The following COBL variants were observed in gnomAD, a reference collection of about 807,000 sequenced individuals.
The protein encoded by COBL is cordon-bleu WH2 repeat protein.
A neutral mutation model predicts 98.8 loss-of-function variants in COBL; 51 were observed. That is an observed-to-expected ratio of 0.52 (90% CI 0.41 to 0.65). COBL has a LOEUF of 0.65. Ranked by LOEUF, COBL falls within the 30% of genes least tolerant of loss-of-function variation. The pLI is 0.00. For synonymous variants in COBL, 634 were observed against 651.7 expected, an observed-to-expected ratio of 0.97 and a Z score of 0.41; for missense variants, 1,617 against 1,617.5, an observed-to-expected ratio of 1.00 and a Z score of 0.01.
intron 3 of COBL, among the ~76,000 whole-genome samples, chr7:51,192,461 C>G (rs528322110): frequency 1.1e-4 from 16 of 152,160 alleles, no homozygotes; most frequent in Non-Finnish European, 1.9e-4. Flanking sequence ...CACAAATTAG[C>G]CGGGTGTGGT....
chr7:51,247,996 G>A (rs1796400112), intron 1 of COBL, among the ~76,000 whole-genome samples: 1 of 151,944 alleles, frequency 6.6e-6, no homozygotes, highest in Admixed American at 6.6e-5. Context: ...AAAGTTAGCT[G>A]GGCATGGTGG....
chr7:51,172,602 A>T, intron 5 of COBL: 1 of 1,138,242 alleles, frequency 8.8e-7, no homozygotes, highest in Non-Finnish European at 1.1e-6. Context: ...CTTAGCGATC[A>T]TTAAGGCAAA....
intron 7 of COBL, among the ~76,000 whole-genome samples, chr7:51,057,361 GT>G (rs1790866103): frequency 1.3e-5 from 2 of 152,076 alleles, no homozygotes; most frequent in Non-Finnish European, 2.9e-5. Context: ...CATATATTCA[GT>G]GCTGAGGTTT....
intron 6 of COBL, among the ~76,000 whole-genome samples, chr7:51,112,993 G>A (rs746576424): frequency 2.6e-5 from 4 of 152,134 alleles, no homozygotes; most frequent in Admixed American, 2.0e-4. Context: ...CCCATAAGAC[G>A]TGGAAGCTGC....
At chr7:51,077,676 C>A (rs1211156470) in intron 7 of COBL, among the ~76,000 whole-genome samples, 4 of 152,192 alleles carry the variant, frequency 2.6e-5, no homozygotes. Context: ...ATGAACACAC[C>A]TCTTACTACA....
At chr7:51,105,938 C>T (rs2128968970) in intron 6 of COBL, among the ~76,000 whole-genome samples, 1 of 151,896 alleles carries the variant, frequency 6.6e-6, no homozygotes, top group South Asian at 2.1e-4. Flanking sequence ...GCAAGGTTTG[C>T]CAAATCACAC....
Position 51,083,013 on chromosome 7 carries a change from G to C in COBL, c.1096+2153C>G. On this transcript the variant is annotated intron_variant, in intron 7 of 12. Coordinates refer to ENST00000265136, the MANE Select transcript of COBL (RefSeq NM_015198.5). ...CAGCCCTGACATCGCAGTGCTCAGA[G>C]AGATGAACAGTTAACACAGTCGGAA... 5 of 1,521,052 alleles carry C rather than the reference G, an allele frequency of 3.3e-6. No individual in the cohort carries two copies. In the South Asian group the frequency reaches 4.8e-5, roughly 15 times the overall value. The allele number at this position is 1,521,052 out of a possible 1,614,324, so 94.2% of individuals were successfully genotyped here. A position where few individuals can be genotyped will look rare whatever the true frequency, so the allele number is the denominator to read the frequency against.
In COBL at chr7:51,111,691, C is replaced by T. The variant is rs1796843590; in HGVS notation, c.957+24467G>A. On this transcript the variant is annotated intron_variant, in intron 6 of 12. Coordinates refer to ENST00000265136, the MANE Select transcript of COBL (RefSeq NM_015198.5). ...TCCCCCGTGCCTGGGCCCCTGCATGCTCCTTGACTTCATGGTAACATCTGT... is the reference window on the plus strand; with the variant it reads ...TCCCCCGTGCCTGGGCCCCTGCATGTTCCTTGACTTCATGGTAACATCTGT... Among the ~76,000 whole-genome samples, 7 of 152,190 alleles carry T rather than the reference C, an allele frequency of 4.6e-5. No individual in the cohort carries two copies. The South Asian group carries it at 1.5e-3, about 32-fold the overall frequency.
intron 12 of COBL, chr7:51,020,946 G>A (rs1786869509): frequency 6.6e-6 from 1 of 152,216 alleles, no homozygotes; most frequent in Non-Finnish European, 1.5e-5. Context: ...GCAGCTTACT[G>A]CCAATGTGAA....
At chr7:51,125,683 T>C (rs563705741) in intron 6 of COBL, among the ~76,000 whole-genome samples, 93 of 152,106 alleles carry the variant, frequency 6.1e-4, no homozygotes, top group Non-Finnish European at 1.1e-3. Context: ...TAAGATACTA[T>C]AGGAAAACAC....
chr7:51,098,224 C>CTTTTTTTTTTTTTTTTTTCTTTTT lies in COBL; in HGVS notation c.958-12921_958-12920insAAAAAGAAAAAAAAAAAAAAAAAA, dbSNP rs551768231. Among the ~76,000 whole-genome samples the CTTTTTTTTTTTTTTTTTTCTTTTT allele has an allele frequency of 5.1e-4, 51 of 100,840 alleles. 2 individuals carry two copies. The highest frequency in any genetic ancestry group is 2.2e-3 in the African/African-American group (49 of 22,334). The allele number at this position is 100,840 out of a possible 152,430, so 66.2% of individuals were successfully genotyped here. ...ACTACCAAAATCCCAATAGCAGTTT[C>CTTTTTTTTTTTTTTTTTTCTTTTT]TTTTTTTTTTTTGGAGAAATAGGAA... On this transcript the variant is annotated intron_variant, in intron 6 of 12. Transcript: ENST00000265136.
At chr7:51,118,953 T>C (rs1797519389) in intron 6 of COBL, among the ~76,000 whole-genome samples, 1 of 152,232 alleles carries the variant, frequency 6.6e-6, no homozygotes, top group African/African-American at 2.4e-5. Context: ...GACCCATGTC[T>C]GCAGCTCAAA....
At chr7:51,138,302 C>T (rs1428239755) in intron 5 of COBL, among the ~76,000 whole-genome samples, 2 of 152,200 alleles carry the variant, frequency 1.3e-5, no homozygotes, top group African/African-American at 4.8e-5. Flanking sequence ...ATAGTCATTA[C>T]TAAGCAAATA....
At chr7:51,154,475 C>T (rs1785903026) in intron 5 of COBL, among the ~76,000 whole-genome samples, 2 of 152,232 alleles carry the variant, frequency 1.3e-5, no homozygotes, top group Admixed American at 6.5e-5. Flanking sequence ...AAATCCTGAT[C>T]TGGGGCATGA....
At chr7:51,070,426 A>ACACACACACACACACACACACACACAC (rs1486385446) in intron 7 of COBL, among the ~76,000 whole-genome samples, 4 of 51,976 alleles carry the variant, frequency 7.7e-5, no homozygotes, top group Non-Finnish European at 2.0e-4. Flanking sequence ...CACACACACA[A>ACACACACACACACACACACACACACAC]AATTCCGAGA....
chr7:51,046,018 C>T (rs1333381335), intron 7 of COBL, among the ~76,000 whole-genome samples: 1 of 152,154 alleles, frequency 6.6e-6, no homozygotes, highest in Non-Finnish European at 1.5e-5. Context: ...GGCCTGGCCA[C>T]AGCCCTGCGA....
intron 6 of COBL, among the ~76,000 whole-genome samples, chr7:51,087,113 CA>C (rs1003053720): frequency 3.8e-4 from 24 of 63,278 alleles, no homozygotes; most frequent in Non-Finnish European, 6.4e-4. Context: ...CACACACATA[CA>C]CACAAACACA....
chr7:51,292,339 T>C (rs575197440), intron 1 of COBL, among the ~76,000 whole-genome samples: 3 of 152,326 alleles, frequency 2.0e-5, no homozygotes, highest in South Asian at 4.1e-4. Context: ...TGTTGATTAT[T>C]ATATTTGAGG....
intron 12 of COBL, among the ~76,000 whole-genome samples, chr7:51,019,355 T>C (rs1786689331): frequency 6.6e-6 from 1 of 152,082 alleles, no homozygotes; most frequent in Non-Finnish European, 1.5e-5. Context: ...GAACTTGTGA[T>C]GTGGAAGGGA....
Sources: allele counts gnomAD v4.1 joint callset (sites outside exome capture counted in the v4.1 genomes callset), GRCh38; gene constraint gnomAD v4.1.1; transcripts MANE v1.5; gene names NCBI Gene and HGNC (gene_info 2026-07-23, HGNC 2026-07-21).